Variants in PIGC observed in about 807,000 individuals in gnomAD.
PIGC encodes the protein phosphatidylinositol N-acetylglucosaminyltransferase subunit C.
Under a neutral mutation model 20.9 loss-of-function variants are expected in PIGC, and 14 were observed. The ratio of observed to expected loss-of-function variants is 0.67; its 90% CI spans 0.44 to 1.05. The LOEUF (loss-of-function observed/expected upper bound fraction) is 1.05, where lower values mean the gene tolerates loss of function less well. Ranked by LOEUF, PIGC falls within the 50% of genes least tolerant of loss-of-function variation. The pLI is 0.00. For synonymous variants in PIGC, 132 were observed against 141.4 expected, an observed-to-expected ratio of 0.93 and a Z score of 0.47; for missense variants, 310 against 360.9, an observed-to-expected ratio of 0.86 and a Z score of 1.14.
In PIGC at chr1:172,442,215, C is replaced by A. The variant is rs1177220309; in HGVS notation, c.408G>T (p.Val136=). ...FITFTYGFSP[V]LKTLTESVST... ...TGACAGACTCTGTAAGGGTCTTCAG[C>A]ACTGGTGAAAACCCATAAGTGAAAG... Residue 136 remains valine, a synonymous_variant, in exon 2 of 2, where the codon GTG becomes GTT. Transcript: ENST00000344529. 1 of 1,613,930 alleles carries A rather than the reference C, an allele frequency of 6.2e-7. No individual in the cohort carries two copies. Among genetic ancestry groups the A allele is most frequent in the Non-Finnish European group, 8.5e-7 (1 of 1,179,910 alleles).
chr1:172,441,976 A>G lies in PIGC; in HGVS notation c.647T>C (p.Leu216Ser). 1 of 1,614,246 alleles carries G rather than the reference A, an allele frequency of 6.2e-7. No homozygotes were observed. Among genetic ancestry groups the G allele is most frequent in the Non-Finnish European group, 8.5e-7 (1 of 1,180,046 alleles). ...AGTACATGCCTTTAGTTTCTTCTGC[A>G]ACATGGGCCACAGGGCAAAAATCTG... ...AIQIFALWPM[L>S]QKKLKACTPR... Residue 216 changes from leucine to serine, a missense_variant, in exon 2 of 2, where the codon TTG becomes TCG. Leu to Ser is a moderately radical substitution (Grantham distance 145). Coordinates refer to ENST00000344529, the MANE Select transcript of PIGC (RefSeq NM_153747.2).
chr1:172,443,956 G>C, intron 1 of PIGC, 32 bp downstream of exon 1: 1 of 999,716 alleles, frequency 1.0e-6, no homozygotes, highest in Non-Finnish European at 1.2e-6. Flanking sequence ...AGGAGCCCCG[G>C]AAACACTGAC....
chr1:172,444,055 C>A lies in PIGC; in HGVS notation c.-276G>T. 1.0e-6 allele frequency: 1 copy of A among 999,372 alleles called. No individual in the cohort carries two copies. Among genetic ancestry groups the A allele is most frequent in the African/African-American group, 1.7e-5 (1 of 57,362 alleles). The allele number at this position is 999,372 out of a possible 1,614,324, so 61.9% of individuals were successfully genotyped here. On this transcript the variant is annotated 5_prime_UTR_variant, in exon 1 of 2. Coordinates refer to ENST00000344529, the MANE Select transcript of PIGC (RefSeq NM_153747.2). ...CAGCCTTTTTCCCGCTTCGGGGCGC[C>A]GGGGCTGCGACTGTGGCCAAGCACT...
rs563373313 is a variant in PIGC, at chr1:172,441,588, G to A, written c.*141C>T. On this transcript the variant is annotated 3_prime_UTR_variant, in exon 2 of 2. Transcript: ENST00000344529. ...AAGCACCCTCACCACCCAAGCCTTT[G>A]GTTCATTTTTTTTGGTTTTGATCTC... 1.4e-6 allele frequency: 1 copy of A among 717,246 alleles called. No individual in the cohort carries two copies. Among genetic ancestry groups the A allele is most frequent in the African/African-American group, 1.8e-5 (1 of 56,476 alleles). The allele number at this position is 717,246 out of a possible 1,614,324, so 44.4% of individuals were successfully genotyped here.
At position 172,442,458 on chromosome 1, in the gene PIGC, G is replaced by A. The variant is rs1341690679; in HGVS notation, c.165C>T (p.Ser55=). The A allele has an allele frequency of 1.2e-6, 2 of 1,614,024 alleles. No homozygotes were observed. The highest frequency in any genetic ancestry group is 1.7e-5 in the Admixed American group (1 of 60,002). Residue 55 remains serine, a synonymous_variant, in exon 2 of 2, where the codon TCC becomes TCT. Transcript: ENST00000344529. ...TGCACAGCTGCTGGATCACCACACT[G>A]GACTCAAATACCACAGCCCAATATT... The part of the protein sequence containing the change: ...KYQYWAVVFE[S]SVVIQQLCSV...
Position 172,441,950 on chromosome 1 carries a change from G to A in PIGC, c.673C>T (p.Pro225Ser). 1 of 1,614,174 alleles carries A rather than the reference G, an allele frequency of 6.2e-7. No individual in the cohort carries two copies. The highest frequency in any genetic ancestry group is 8.5e-7 in the Non-Finnish European group (1 of 1,180,018). ...AGTGTGACCCCCACATAGCTCCGGG[G>A]AGTACATGCCTTTAGTTTCTTCTGC... is the stretch of plus-strand genomic sequence containing the variant. Reference protein sequence around the residue: ...MLQKKLKACTPRSYVGVTLLF... With the variant: ...MLQKKLKACTSRSYVGVTLLF... The change falls in exon 2 of 2, where the codon CCC (proline) becomes TCC (serine). Residue 225 changes from proline (P) to serine (S), a missense_variant. Transcript: ENST00000344529.
In PIGC at chr1:172,442,298, G is replaced by A. The variant is rs199866593; in HGVS notation, c.325C>T (p.Arg109Trp). The part of the protein sequence containing the change: ...LFDLIDGGEG[R>W]KKSGQTRWAD... ...CACCGGGTCTGCCCACTCTTCTTCC[G>A]CCCTTCACCTCCATCAATGAGATCA... The change falls in exon 2 of 2, where the codon CGG becomes TGG. Residue 109 changes from arginine (R) to tryptophan (W), a missense_variant. Coordinates refer to ENST00000344529, the MANE Select transcript of PIGC (RefSeq NM_153747.2). The A allele has an allele frequency of 2.1e-5, 34 of 1,613,552 alleles. 1 individual carries two copies. The highest frequency in any genetic ancestry group is 1.8e-4 in the East Asian group (8 of 44,888).
At position 172,441,745 on chromosome 1, in the gene PIGC, G is replaced by A; in HGVS notation, c.878C>T (p.Ser293Phe). 6.4e-7 allele frequency: 1 copy of A among 1,554,168 alleles called. No homozygotes were observed. Among genetic ancestry groups the A allele is most frequent in the Non-Finnish European group, 8.7e-7 (1 of 1,152,672 alleles). Reference protein sequence around the residue: ...WDEAEIKEDLSRFLS With the variant: ...WDEAEIKEDLFRFLS ...TGTCCTAATTTAACTGAGGAACCTG[G>A]ACAAGTCTTCCTTGATTTCAGCTTC... The change falls in exon 2 of 2, where the codon TCC becomes TTC. Residue 293 changes from serine (S) to phenylalanine (F), a missense_variant. Transcript: ENST00000344529.
rs1231258138 is a variant in PIGC at position 172,442,772 on chromosome 1, A to G, written c.-150T>C. 2 of 691,200 alleles carry G rather than the reference A, an allele frequency of 2.9e-6. No individual in the cohort carries two copies. The highest frequency in any genetic ancestry group is 5.1e-6 in the Non-Finnish European group (2 of 394,776). 42.8% of individuals were successfully genotyped at this position (691,200 alleles called of 1,614,324 possible). ...CCAACCTTTCCTTGTTTTCAAAGGCAGGGGCTAGGCCTACAATAGATGAAT... is the reference window on the plus strand; with the variant it reads ...CCAACCTTTCCTTGTTTTCAAAGGCGGGGGCTAGGCCTACAATAGATGAAT... On this transcript the variant is annotated 5_prime_UTR_variant, in exon 2 of 2. Transcript: ENST00000344529.
In PIGC at chr1:172,441,545, C is replaced by A; in HGVS notation, c.*184G>T. ...GGTCCCCAGAAAGTTTTTTCATCTA[C>A]AAAATAACAGAAAGGATAAGCACCC... On this transcript the variant is annotated 3_prime_UTR_variant, in exon 2 of 2. Coordinates refer to ENST00000344529, the MANE Select transcript of PIGC (RefSeq NM_153747.2). The A allele has an allele frequency of 2.1e-6, 1 of 471,808 alleles. No individual in the cohort carries two copies. The highest frequency in any genetic ancestry group is 6.4e-5 in the South Asian group (1 of 15,640). The allele number at this position is 471,808 out of a possible 1,614,324, so 29.2% of individuals were successfully genotyped here.
rs958140438 is a variant in PIGC at position 172,444,057 on chromosome 1, G to A, written c.-278C>T. On this transcript the variant is annotated 5_prime_UTR_variant, in exon 1 of 2. Transcript: ENST00000344529. ...GCCTTTTTCCCGCTTCGGGGCGCCGGGGCTGCGACTGTGGCCAAGCACTTC... is the reference window on the plus strand; with the variant it reads ...GCCTTTTTCCCGCTTCGGGGCGCCGAGGCTGCGACTGTGGCCAAGCACTTC... 6.6e-5 allele frequency: 66 copies of A among 999,196 alleles called. No homozygotes were observed. Among genetic ancestry groups the A allele is most frequent in the Non-Finnish European group, 7.6e-5 (63 of 830,222 alleles). The allele number at this position is 999,196 out of a possible 1,614,324, so 61.9% of individuals were successfully genotyped here.
At chr1:172,443,782 A>T (rs967370533) in intron 1 of PIGC, 1 of 207,650 alleles carries the variant, frequency 4.8e-6, no homozygotes, top group Non-Finnish European at 9.5e-6. Flanking sequence ...CCAAAAGGGC[A>T]GCGCCCGCCC....
chr1:172,442,970 T>C (rs1647493641), intron 1 of PIGC, 140 bp from the exon 2 acceptor site: 1 of 208,096 alleles, frequency 4.8e-6, no homozygotes, highest in Non-Finnish European at 1.1e-5. Context: ...TAAAACTGCA[T>C]TTCAGATTTG....
Position 172,442,268 on chromosome 1 carries a change from C to G in PIGC, c.355G>C (p.Asp119His). ...ATGAAGACTAGGGCACTCTTCAGGT[C>G]AGCCCACCGGGTCTGCCCACTCTTC... ...RKKSGQTRWA[D>H]LKSALVFITF... The change falls in exon 2 of 2, where the codon GAC (aspartate) becomes CAC (histidine). Residue 119 changes from aspartate to histidine, a missense_variant. Transcript: ENST00000344529. 1 of 1,613,892 alleles carries G rather than the reference C, an allele frequency of 6.2e-7. No individual in the cohort carries two copies. Among genetic ancestry groups the G allele is most frequent in the Non-Finnish European group, 8.5e-7 (1 of 1,179,996 alleles).
Position 172,442,197 on chromosome 1 carries a change from C to T in PIGC, c.426G>A (p.Glu142=). Residue 142 remains glutamate (E), a synonymous_variant, in exon 2 of 2, where the codon GAG becomes GAA. Transcript: ENST00000344529. ...CATAGATGGTGTCAGTGCTGACAGACTCTGTAAGGGTCTTCAGCACTGGTG... is the reference window on the plus strand; with the variant it reads ...CATAGATGGTGTCAGTGCTGACAGATTCTGTAAGGGTCTTCAGCACTGGTG... ...GFSPVLKTLT[E]SVSTDTIYAM... 6.2e-7 allele frequency: 1 copy of T among 1,614,192 alleles called. No individual in the cohort carries two copies. The highest frequency in any genetic ancestry group is 8.5e-7 in the Non-Finnish European group (1 of 1,180,002).
Position 172,444,067 on chromosome 1 carries a change from T to C in PIGC, c.-288A>G. 2 of 998,946 alleles carry C rather than the reference T, an allele frequency of 2.0e-6. No homozygotes were observed. The highest frequency in any genetic ancestry group is 2.4e-6 in the Non-Finnish European group (2 of 830,228). 61.9% of individuals were successfully genotyped at this position (998,946 alleles called of 1,614,324 possible). On this transcript the variant is annotated 5_prime_UTR_variant, in exon 1 of 2. Coordinates refer to ENST00000344529, the MANE Select transcript of PIGC (RefSeq NM_153747.2). Reference sequence around the variant, plus strand: ...CGCTTCGGGGCGCCGGGGCTGCGACTGTGGCCAAGCACTTCCGGGTCCGCC... The same window carrying C: ...CGCTTCGGGGCGCCGGGGCTGCGACCGTGGCCAAGCACTTCCGGGTCCGCC...
chr1:172,441,946 C>T lies in PIGC; in HGVS notation c.677G>A (p.Arg226Gln), dbSNP rs1272021400. The change falls in exon 2 of 2, where the codon CGG becomes CAG. Residue 226 changes from arginine to glutamine, a missense_variant. Arg to Gln is a conservative substitution (Grantham distance 43). Coordinates refer to ENST00000344529, the MANE Select transcript of PIGC (RefSeq NM_153747.2). ...AAGCAGTGTGACCCCCACATAGCTCCGGGGAGTACATGCCTTTAGTTTCTT... is the reference window on the plus strand; with the variant it reads ...AAGCAGTGTGACCCCCACATAGCTCTGGGGAGTACATGCCTTTAGTTTCTT... Reference protein sequence around the residue: ...LQKKLKACTPRSYVGVTLLFA... With the variant: ...LQKKLKACTPQSYVGVTLLFA... The T allele has an allele frequency of 3.7e-6, 6 of 1,614,102 alleles. No individual in the cohort carries two copies. The highest frequency in any genetic ancestry group is 2.2e-5 in the South Asian group (2 of 91,082).
chr1:172,443,880 G>T, intron 1 of PIGC, 108 bp downstream of exon 1: 3 of 850,390 alleles, frequency 3.5e-6, no homozygotes, highest in Non-Finnish European at 2.9e-6. Flanking sequence ...GGCTTTTTGG[G>T]TGGGCCTCCC....
chr1:172,441,943 C>T lies in PIGC; in HGVS notation c.680G>A (p.Ser227Asn), dbSNP rs766631111. ...QKKLKACTPR[S>N]YVGVTLLFAF... ...AAAAAGCAGTGTGACCCCCACATAG[C>T]TCCGGGGAGTACATGCCTTTAGTTT... The change falls in exon 2 of 2, where the codon AGC (serine) becomes AAC (asparagine). Residue 227 changes from serine (S) to asparagine (N), a missense_variant. Physicochemically the swap from Ser to Asn is conservative, Grantham distance 46 (BLOSUM62 1). Coordinates refer to ENST00000344529, the MANE Select transcript of PIGC (RefSeq NM_153747.2). 1.9e-6 allele frequency: 3 copies of T among 1,614,218 alleles called. No individual in the cohort carries two copies. Among genetic ancestry groups the T allele is most frequent in the East Asian group, 4.5e-5 (2 of 44,882 alleles).
Sources: allele counts gnomAD v4.1 joint callset, GRCh38; gene constraint gnomAD v4.1.1; transcripts MANE v1.5; gene names NCBI Gene and HGNC (gene_info 2026-07-23, HGNC 2026-07-21).